RIN3: variants seen among roughly 807,000 people sequenced by gnomAD.
RIN3 encodes RAB5 interacting protein 3.
A neutral mutation model predicts 76.3 loss-of-function variants in RIN3; 54 were observed. The ratio of observed to expected loss-of-function variants is 0.71; its 90% CI spans 0.57 to 0.89. RIN3 has a LOEUF of 0.89. Among genes scored for constraint, RIN3 ranks in the 40% least tolerant of loss-of-function variants. The pLI, the probability that RIN3 is intolerant of heterozygous loss-of-function variation, is 0.00. For synonymous variants in RIN3, 576 were observed against 564.0 expected (o/e 1.02, Z -0.30); for missense variants, 1,256 against 1,322.1 (o/e 0.95, Z 0.78).
intron 8 of RIN3, among the ~76,000 whole-genome samples, chr14:92,683,695 C>T (rs1429128260): frequency 6.6e-6 from 1 of 152,068 alleles, no homozygotes; most frequent in Non-Finnish European, 1.5e-5. Context: ...TCGCTTGAGC[C>T]CAGGAGTTGG....
At position 92,560,410 on chromosome 14, in the gene RIN3, G is replaced by A. The variant is rs745712104; in HGVS notation, c.249+4455G>A. ...CTGCCTTTACGCCCCACTCCTCCCC[G>A]TGCACCTCTATATTTTCAAGCATAA... On this transcript the variant is annotated intron_variant, in intron 2 of 9. Coordinates refer to ENST00000216487, the MANE Select transcript of RIN3 (RefSeq NM_024832.5). 2.6e-5 allele frequency among the ~76,000 whole-genome samples: 4 copies of A among 152,052 alleles called. No homozygotes were observed. In the South Asian group the frequency reaches 6.2e-4, roughly 24 times the overall value.
chr14:92,525,357 T>TG (rs1896702345), intron 1 of RIN3, among the ~76,000 whole-genome samples: 1 of 150,938 alleles, frequency 6.6e-6, no homozygotes, highest in Admixed American at 6.6e-5. Flanking sequence ...TGGCAGGGTG[T>TG]GGGGGGATGG....
At chr14:92,606,162 AAG>A (rs1555387495) in intron 3 of RIN3, among the ~76,000 whole-genome samples, 1 of 151,444 alleles carries the variant, frequency 6.6e-6, no homozygotes, top group Non-Finnish European at 1.5e-5. Context: ...AAAAAAAAAA[AAG>A]AGGACAAAAA....
chr14:92,575,615 G>A lies in RIN3; in HGVS notation c.250-1745G>A, dbSNP rs149172836. Reference sequence around the variant, plus strand: ...TTTAGACATAGGCTAATTTCCTGACGTTGCCATGACATCTGTAAACTGTCA... The same window carrying A: ...TTTAGACATAGGCTAATTTCCTGACATTGCCATGACATCTGTAAACTGTCA... On this transcript the variant is annotated intron_variant, in intron 2 of 9. Coordinates refer to ENST00000216487, the MANE Select transcript of RIN3 (RefSeq NM_024832.5). Among the ~76,000 whole-genome samples, 253 of 152,164 alleles carry A rather than the reference G, an allele frequency of 1.7e-3. 1 individual carries two copies. Among genetic ancestry groups the A allele is most frequent in the African/African-American group, 5.9e-3 (245 of 41,498 alleles).
In RIN3 at chr14:92,651,672, C is replaced by T. The variant is rs1302263852; in HGVS notation, c.623C>T (p.Ser208Phe). Residue 208 changes from serine (S) to phenylalanine (F), a missense_variant, in exon 6 of 10, where the codon TCC (serine) becomes TTC (phenylalanine). By Grantham distance (155) the Ser-to-Phe change is radical. Transcript: ENST00000216487. ...RDRAPGFPLV[S>F]SLRPTAHDAN... ...CGGGCCCCCGGATTCCCCCTAGTCT[C>T]CAGCCTCAGGCCCACAGCCCATGAC... The T allele has an allele frequency of 6.2e-7, 1 of 1,614,034 alleles. No individual in the cohort carries two copies. The highest frequency in any genetic ancestry group is 8.5e-7 in the Non-Finnish European group (1 of 1,179,960).
At chr14:92,564,546 G>C (rs1325923092) in intron 2 of RIN3, among the ~76,000 whole-genome samples, 1 of 152,186 alleles carries the variant, frequency 6.6e-6, no homozygotes, top group Non-Finnish European at 1.5e-5. Flanking sequence ...AGCCAGCTCA[G>C]AAAGGGGAAG....
chr14:92,543,018 G>A (rs1897160726), intron 1 of RIN3, among the ~76,000 whole-genome samples: 1 of 152,150 alleles, frequency 6.6e-6, no homozygotes, highest in African/African-American at 2.4e-5. Flanking sequence ...TGATTGTGGT[G>A]GTGGTTGCAC....
chr14:92,618,424 G>A (rs868840159), intron 4 of RIN3, among the ~76,000 whole-genome samples: 2 of 152,262 alleles, frequency 1.3e-5, no homozygotes, highest in South Asian at 4.1e-4. Flanking sequence ...AGTATGGAGG[G>A]ACCCTTCACA....
chr14:92,543,329 A>G (rs1897168540), intron 1 of RIN3, among the ~76,000 whole-genome samples: 2 of 152,300 alleles, frequency 1.3e-5, no homozygotes, highest in African/African-American at 4.8e-5. Flanking sequence ...ACTTCAGGGG[A>G]ACGGATTTCA....
At chr14:92,616,501 T>C (rs1456500028) in intron 4 of RIN3, among the ~76,000 whole-genome samples, 3 of 152,200 alleles carry the variant, frequency 2.0e-5, no homozygotes, top group African/African-American at 4.8e-5. Context: ...GTTCCCTGCC[T>C]CCAGACCCTA....
At position 92,637,248 on chromosome 14, in the gene RIN3, G is replaced by T. The variant is rs575077141; in HGVS notation, c.441-3990G>T. Reference sequence around the variant, plus strand: ...CAACTAGATGGTCCCATCTGGGGGTGATGGGAGACAGTGACAGATCATCAG... The same window carrying T: ...CAACTAGATGGTCCCATCTGGGGGTTATGGGAGACAGTGACAGATCATCAG... On this transcript the variant is annotated intron_variant, in intron 4 of 9. Transcript: ENST00000216487. 9.6e-3 allele frequency among the ~76,000 whole-genome samples: 1,462 copies of T among 152,060 alleles called. 31 individuals are homozygous for T. Among genetic ancestry groups the T allele is most frequent in the African/African-American group, 0.034 (1,420 of 41,450 alleles).
chr14:92,668,231 C>G (rs1888176791), intron 7 of RIN3, among the ~76,000 whole-genome samples: 2 of 152,320 alleles, frequency 1.3e-5, no homozygotes, highest in African/African-American at 4.8e-5. Flanking sequence ...AGACTTGAAC[C>G]CGGGTCCTTT....
At chr14:92,595,526 C>T (rs1885122279) in intron 3 of RIN3, among the ~76,000 whole-genome samples, 1 of 150,964 alleles carries the variant, frequency 6.6e-6, no homozygotes. Context: ...TCTGAACCCA[C>T]CTCCCAGATT....
intron 4 of RIN3, among the ~76,000 whole-genome samples, chr14:92,625,442 G>A (rs76183516): frequency 0.015 from 2,262 of 152,182 alleles, 66 homozygotes; most frequent in African/African-American, 0.052. Flanking sequence ...CTACTGGCCC[G>A]AACTGAGGTA....
intron 4 of RIN3, among the ~76,000 whole-genome samples, chr14:92,633,663 T>C (rs1886667959): frequency 6.6e-6 from 1 of 152,174 alleles, no homozygotes; most frequent in Admixed American, 6.5e-5. Flanking sequence ...AGCTGAATTG[T>C]TGTATACCCA....
intron 1 of RIN3, among the ~76,000 whole-genome samples, chr14:92,545,058 T>G (rs1897226270): frequency 6.7e-6 from 1 of 149,002 alleles, no homozygotes; most frequent in African/African-American, 2.4e-5. Flanking sequence ...GGTTGATTTT[T>G]TTGTTTGTTT....
At chr14:92,580,302 G>A (rs1296007719) in intron 3 of RIN3, among the ~76,000 whole-genome samples, 1 of 152,246 alleles carries the variant, frequency 6.6e-6, no homozygotes, top group Non-Finnish European at 1.5e-5. Flanking sequence ...GGAGGCAGAG[G>A]TTGCAGTGAG....
intron 2 of RIN3, chr14:92,576,180 G>T: frequency 8.2e-7 from 1 of 1,223,890 alleles, no homozygotes; most frequent in Admixed American, 2.6e-5. Flanking sequence ...ATTCCAGAAG[G>T]TGTCACCTGC....
intron 2 of RIN3, chr14:92,576,492 G>C (rs1291022162): frequency 9.3e-7 from 1 of 1,071,062 alleles, no homozygotes; most frequent in Non-Finnish European, 1.3e-6. Context: ...CAGGACTTGG[G>C]ATCTGCATGC....
Sources: allele counts gnomAD v4.1 joint callset (sites outside exome capture counted in the v4.1 genomes callset), GRCh38; gene constraint gnomAD v4.1.1; transcripts MANE v1.5; gene names NCBI Gene and HGNC (gene_info 2026-07-23, HGNC 2026-07-21).